EYS: variants seen among roughly 807,000 people sequenced by gnomAD.
EYS encodes the protein protein eyes shut homolog.
Under a neutral mutation model 282.1 loss-of-function variants are expected in EYS, and 250 were observed. That is an observed-to-expected ratio of 0.89 (90% CI 0.80 to 0.98). The LOEUF is 0.98. Among genes scored for constraint, EYS ranks in the 50% least tolerant of loss-of-function variants. The probability of loss-of-function intolerance (pLI) is 0.00; values close to 1 mark genes in which losing one functional copy is unlikely to be tolerated. For missense variants in EYS, 4,016 were observed against 3,709.0 expected, an observed-to-expected ratio of 1.08 and a Z score of -2.15; for synonymous variants, 1,355 against 1,282.9, an observed-to-expected ratio of 1.06 and a Z score of -1.20.
intron 31 of EYS, among the ~76,000 whole-genome samples, chr6:64,229,577 G>A (rs1438036555): frequency 2.6e-5 from 4 of 152,130 alleles, no homozygotes; most frequent in African/African-American, 9.7e-5. Context: ...CTTATATGAT[G>A]TCTTAAGAGA....
At chr6:65,034,423 G>A (rs1321704112) in intron 13 of EYS, among the ~76,000 whole-genome samples, 2 of 152,110 alleles carry the variant, frequency 1.3e-5, no homozygotes, top group African/African-American at 4.8e-5. Context: ...ATGTTGAATG[G>A]CAATCCCTAT....
At chr6:64,756,087 G>T (rs970772135) in intron 22 of EYS, among the ~76,000 whole-genome samples, 1 of 152,152 alleles carries the variant, frequency 6.6e-6, no homozygotes, top group African/African-American at 2.4e-5. Flanking sequence ...AAACAGATAT[G>T]AGTATATTCT....
At chr6:64,320,223 TA>T (rs1770162377) in intron 29 of EYS, among the ~76,000 whole-genome samples, 1 of 152,072 alleles carries the variant, frequency 6.6e-6, no homozygotes, top group South Asian at 2.1e-4. Context: ...TATTGTTTGA[TA>T]TTTTTCTTCA....
chr6:65,294,056 T>C (rs920634560), intron 12 of EYS, among the ~76,000 whole-genome samples: 15 of 150,778 alleles, frequency 9.9e-5, no homozygotes, highest in South Asian at 2.1e-4. Context: ...AGGAGGAGGA[T>C]CATATGATGG....
Position 65,402,500 on chromosome 6 carries a change from A to C in EYS, c.1162T>G (p.Cys388Gly), listed in dbSNP as rs1766549401. ...TACCTGCAAGGATAATCTTTCTCAC[A>C]TTTCTTACATGTAGCATTATTCCTC... Reference protein sequence around the residue: ...PLRNNATCKKCEKDYPCSCIS... With the variant: ...PLRNNATCKKGEKDYPCSCIS... The change falls in exon 7 of 43, where the codon TGT becomes GGT. Residue 388 changes from cysteine (C) to glycine (G), a missense_variant. Cys to Gly is a radical substitution (Grantham distance 159). Transcript: ENST00000503581. 3 of 1,524,226 alleles carry C rather than the reference A, an allele frequency of 2.0e-6. No homozygotes were observed. Among genetic ancestry groups the C allele is most frequent in the Non-Finnish European group, 2.7e-6 (3 of 1,099,306 alleles). 94.4% of individuals were successfully genotyped at this position (1,524,226 alleles called of 1,614,324 possible). A position where few individuals can be genotyped will look rare whatever the true frequency, so the allele number is the denominator to read the frequency against.
chr6:64,889,785 G>T (rs2150065040), intron 18 of EYS, among the ~76,000 whole-genome samples: 1 of 151,998 alleles, frequency 6.6e-6, no homozygotes, highest in Non-Finnish European at 1.5e-5. Flanking sequence ...TGTGATAATT[G>T]CATTAACTGC....
At chr6:64,705,985 T>C (rs1244622462) in intron 22 of EYS, among the ~76,000 whole-genome samples, 3 of 146,858 alleles carry the variant, frequency 2.0e-5, no homozygotes, top group Non-Finnish European at 4.5e-5. Context: ...TTAAGTATAA[T>C]AATTAAAAAT....
At chr6:65,050,214 C>G (rs1773228561) in intron 13 of EYS, among the ~76,000 whole-genome samples, 1 of 151,522 alleles carries the variant, frequency 6.6e-6, no homozygotes, top group African/African-American at 2.4e-5. Context: ...CACTCAGGTT[C>G]CCTATATGCT....
intron 12 of EYS, among the ~76,000 whole-genome samples, chr6:65,170,919 C>G (rs1421652644): frequency 6.6e-6 from 1 of 151,388 alleles, no homozygotes; most frequent in Admixed American, 6.6e-5. Flanking sequence ...CAAATGATAA[C>G]AGTTTTCACC....
intron 33 of EYS, among the ~76,000 whole-genome samples, chr6:64,035,414 A>C (rs914455896): frequency 9.9e-5 from 15 of 152,212 alleles, no homozygotes; most frequent in African/African-American, 3.6e-4. Flanking sequence ...AGGGAGGAGA[A>C]AGAAACTAGG....
chr6:64,467,743 T>C (rs1245486484), intron 26 of EYS, among the ~76,000 whole-genome samples: 2 of 152,134 alleles, frequency 1.3e-5, no homozygotes, highest in South Asian at 2.1e-4. Context: ...TACCAGTATA[T>C]GGAAGTATCA....
At chr6:65,348,289 G>A (rs1770476335) in intron 9 of EYS, among the ~76,000 whole-genome samples, 1 of 151,470 alleles carries the variant, frequency 6.6e-6, no homozygotes, top group South Asian at 2.1e-4. Flanking sequence ...TCTATTTTTA[G>A]TATTTTTTAG....
intron 33 of EYS, among the ~76,000 whole-genome samples, chr6:64,006,592 GGT>G (rs1189025781): frequency 6.6e-6 from 1 of 152,000 alleles, no homozygotes; most frequent in Non-Finnish European, 1.5e-5. Context: ...GCTTCCATCT[GGT>G]GCCTATTCAG....
intron 22 of EYS, among the ~76,000 whole-genome samples, chr6:64,807,070 G>T (rs1474767823): frequency 6.6e-6 from 1 of 151,998 alleles, no homozygotes; most frequent in Non-Finnish European, 1.5e-5. Flanking sequence ...TGTTACACAT[G>T]GTTAATAATA....
At chr6:64,108,070 T>C (rs1445244872) in intron 31 of EYS, among the ~76,000 whole-genome samples, 1 of 152,168 alleles carries the variant, frequency 6.6e-6, no homozygotes, top group Non-Finnish European at 1.5e-5. Flanking sequence ...CTCTGTCATA[T>C]TTCAAAATGA....
At chr6:64,381,720 T>C (rs558526803) in intron 29 of EYS, among the ~76,000 whole-genome samples, 1 of 152,358 alleles carries the variant, frequency 6.6e-6, no homozygotes, top group East Asian at 1.9e-4. Context: ...GTATTGGATA[T>C]GTACATCTTC....
intron 12 of EYS, among the ~76,000 whole-genome samples, chr6:65,253,118 G>T (rs1313024030): frequency 1.3e-5 from 2 of 151,928 alleles, no homozygotes; most frequent in Non-Finnish European, 2.9e-5. Context: ...TAAATACAGT[G>T]AAATCTATAC....
At chr6:64,149,807 C>T (rs1774640538) in intron 31 of EYS, among the ~76,000 whole-genome samples, 1 of 152,166 alleles carries the variant, frequency 6.6e-6, no homozygotes, top group Admixed American at 6.6e-5. Flanking sequence ...TCTGAGTTAA[C>T]CTCACAGATC....
At chr6:65,408,068 T>G (rs1766830216) in intron 5 of EYS, among the ~76,000 whole-genome samples, 1 of 152,138 alleles carries the variant, frequency 6.6e-6, no homozygotes. Context: ...TGTCCTTTAT[T>G]ATATTAATAT....
Sources: gnomAD v4.1 joint callset for allele counts (sites outside exome capture counted in the v4.1 genomes callset) on GRCh38, gnomAD v4.1.1 for gene constraint, MANE v1.5 for transcripts, NCBI Gene and HGNC (gene_info 2026-07-23, HGNC 2026-07-21) for gene names.